CLSTN1: variants seen among roughly 807,000 people sequenced by gnomAD.
CLSTN1 encodes calsyntenin 1.
Under a neutral mutation model 108.3 loss-of-function variants are expected in CLSTN1, and 28 were observed. The observed-to-expected ratio is 0.26, with a 90% CI of 0.19 to 0.35. The LOEUF (loss-of-function observed/expected upper bound fraction) is 0.35, where lower values mean the gene tolerates loss of function less well. Among genes scored for constraint, CLSTN1 ranks in the 10% least tolerant of loss-of-function variants. The pLI is 1.00. For synonymous variants in CLSTN1, 524 were observed against 534.9 expected, an observed-to-expected ratio of 0.98 and a Z score of 0.28; for missense variants, 1,157 against 1,302.6, an observed-to-expected ratio of 0.89 and a Z score of 1.72.
At position 9,773,221 on chromosome 1, in the gene CLSTN1, C is replaced by G. The variant is rs1053985676; in HGVS notation, c.214+51G>C. ...TTACCCAAATGGGATGTGCAGAATG[C>G]TTCCTGACCAGGCCCGATTCATCAA... On this transcript the variant is annotated intron_variant, in intron 2 of 18. Coordinates refer to ENST00000377298, the MANE Select transcript of CLSTN1 (RefSeq NM_001009566.3). 8 of 1,610,236 alleles carry G rather than the reference C, an allele frequency of 5.0e-6. No homozygotes were observed. The African/African-American group carries it at 5.3e-5, about 11-fold the overall frequency.
At chr1:9,753,086 T>C (rs1403102559) in intron 4 of CLSTN1, among the ~76,000 whole-genome samples, 1 of 152,050 alleles carries the variant, frequency 6.6e-6, no homozygotes, top group Non-Finnish European at 1.5e-5. Context: ...AGGCAATTTC[T>C]CCACAGATGG....
At chr1:9,797,114 T>C (rs1169258685) in intron 1 of CLSTN1, among the ~76,000 whole-genome samples, 1 of 152,156 alleles carries the variant, frequency 6.6e-6, no homozygotes, top group African/African-American at 2.4e-5. Context: ...GCTAGCCCCA[T>C]GCTACTCCAA....
At chr1:9,801,858 G>A (rs773596654) in intron 1 of CLSTN1, among the ~76,000 whole-genome samples, 9 of 151,776 alleles carry the variant, frequency 5.9e-5, no homozygotes, top group African/African-American at 1.2e-4. Context: ...GCCCGGCCTC[G>A]GCCACCATTA....
chr1:9,789,243 T>C (rs1388868657), intron 1 of CLSTN1, among the ~76,000 whole-genome samples: 1 of 151,366 alleles, frequency 6.6e-6, no homozygotes, highest in Non-Finnish European at 1.5e-5. Flanking sequence ...TGTATCTTTG[T>C]GTTTTGAGGA....
At chr1:9,752,079 GA>G (rs1462611695) in intron 4 of CLSTN1, among the ~76,000 whole-genome samples, 2 of 150,976 alleles carry the variant, frequency 1.3e-5, no homozygotes, top group South Asian at 2.1e-4. Context: ...GCAAAATCCA[GA>G]AAAAAAATAG....
intron 1 of CLSTN1, among the ~76,000 whole-genome samples, chr1:9,788,744 T>C (rs1653615843): frequency 6.7e-6 from 1 of 148,796 alleles, no homozygotes; most frequent in South Asian, 2.3e-4. Context: ...GGCGGGTGCC[T>C]GCAGTCCCAG....
chr1:9,761,977 C>T (rs573591669), intron 2 of CLSTN1, among the ~76,000 whole-genome samples: 18 of 152,274 alleles, frequency 1.2e-4, no homozygotes, highest in African/African-American at 3.4e-4. Context: ...AAACAGGAAC[C>T]GCAACAGTCC....
At chr1:9,791,141 CA>C (rs139466878) in intron 1 of CLSTN1, among the ~76,000 whole-genome samples, 18,654 of 74,000 alleles carry the variant, frequency 0.25, 2,123 homozygotes, top group African/African-American at 0.44. Context: ...GACTCTATCT[CA>C]AAAAAAAAAA....
At chr1:9,789,149 T>C (rs1653644151) in intron 1 of CLSTN1, among the ~76,000 whole-genome samples, 1 of 151,434 alleles carries the variant, frequency 6.6e-6, no homozygotes, top group Non-Finnish European at 1.5e-5. Flanking sequence ...TACAAATACC[T>C]CAAGGCCCTG....
intron 2 of CLSTN1, among the ~76,000 whole-genome samples, chr1:9,764,270 A>G (rs1297085710): frequency 6.6e-6 from 1 of 151,004 alleles, no homozygotes; most frequent in Admixed American, 6.6e-5. Context: ...CAGGGACAAC[A>G]TTAATCTATT....
intron 1 of CLSTN1, among the ~76,000 whole-genome samples, chr1:9,819,666 T>C (rs1252100711): frequency 6.6e-6 from 1 of 150,806 alleles, no homozygotes; most frequent in Non-Finnish European, 1.5e-5. Flanking sequence ...TCCAGCTAAC[T>C]GAAGGTTCCA....
chr1:9,819,422 A>T (rs1004471100), intron 1 of CLSTN1, among the ~76,000 whole-genome samples: 4 of 152,248 alleles, frequency 2.6e-5, no homozygotes, highest in African/African-American at 9.6e-5. Flanking sequence ...ACGAAATTAC[A>T]GCATTTTCTA....
At chr1:9,756,681 T>G (rs1651822098) in intron 2 of CLSTN1, among the ~76,000 whole-genome samples, 171 bp from the exon 3 acceptor site, 1 of 152,220 alleles carries the variant, frequency 6.6e-6, no homozygotes, top group African/African-American at 2.4e-5. Context: ...AAATGTCACT[T>G]TGAATCCAAC....
intron 1 of CLSTN1, among the ~76,000 whole-genome samples, chr1:9,778,052 G>A (rs1310916150): frequency 6.6e-6 from 1 of 152,064 alleles, no homozygotes; most frequent in Non-Finnish European, 1.5e-5. Context: ...AAGGGCCCGC[G>A]ACCTCAGGGC....
intron 2 of CLSTN1, among the ~76,000 whole-genome samples, chr1:9,767,506 C>G (rs1365884646): frequency 6.6e-6 from 1 of 150,440 alleles, no homozygotes; most frequent in East Asian, 1.9e-4. Context: ...GATAGCACCA[C>G]TGCACTCCAG....
At chr1:9,748,990 A>G (rs574764664) in intron 7 of CLSTN1, among the ~76,000 whole-genome samples, 1 of 151,448 alleles carries the variant, frequency 6.6e-6, no homozygotes, top group African/African-American at 2.4e-5. Context: ...CTGCAGCCTC[A>G]ACCTCCCGGG....
At chr1:9,816,958 T>C (rs1363159771) in intron 1 of CLSTN1, among the ~76,000 whole-genome samples, 1 of 152,064 alleles carries the variant, frequency 6.6e-6, no homozygotes, top group East Asian at 1.9e-4. Context: ...GTGGTCCTCC[T>C]TTGTCCTACA....
rs748627439 is a variant in CLSTN1, at chr1:9,756,484, C to G, written c.241G>C (p.Glu81Gln). ...GGAAGAAAGAACCCTTTATCACCTT[C>G]TTTGGTGACTGTCACCTCAAAACTC... The part of the protein sequence containing the change: ...AESFEVTVTK[E>Q]GEICGFKIHG... The change falls in exon 3 of 19, where the codon GAA (glutamate) becomes CAA (glutamine). Residue 81 changes from glutamate (E) to glutamine (Q), a missense_variant. Physicochemically the swap from Glu to Gln is conservative, Grantham distance 29 (BLOSUM62 2). Transcript: ENST00000377298. 4 of 1,612,296 alleles carry G rather than the reference C, an allele frequency of 2.5e-6. No individual in the cohort carries two copies. In the African/African-American group the frequency reaches 5.3e-5, roughly 22 times the overall value.
intron 1 of CLSTN1, among the ~76,000 whole-genome samples, chr1:9,792,782 G>GT (rs1450376817): frequency 6.6e-6 from 1 of 151,274 alleles, no homozygotes; most frequent in Non-Finnish European, 1.5e-5. Context: ...AGGTGGATGG[G>GT]TGCAGGGGTG....
Sources: allele counts gnomAD v4.1 joint callset (sites outside exome capture counted in the v4.1 genomes callset), GRCh38; gene constraint gnomAD v4.1.1; transcripts MANE v1.5; gene names NCBI Gene and HGNC (gene_info 2026-07-23, HGNC 2026-07-21).